The following MAGI2 variants were observed in gnomAD, a reference collection of about 807,000 sequenced individuals.
MAGI2 encodes membrane associated guanylate kinase, WW and PDZ domain containing 2.
In MAGI2, 35 loss-of-function variants were observed where a neutral mutation model predicts 133.3. The observed-to-expected ratio is 0.26, with a 90% CI of 0.20 to 0.35. The LOEUF is 0.35. MAGI2 is among the 10% of genes least tolerant of loss of function. The probability of loss-of-function intolerance (pLI) is 1.00; values close to 1 mark genes in which losing one functional copy is unlikely to be tolerated. For synonymous variants in MAGI2, 729 were observed against 710.6 expected (o/e 1.03, Z -0.41); for missense variants, 1,636 against 1,863.4 (o/e 0.88, Z 2.25).
intron 4 of MAGI2, among the ~76,000 whole-genome samples, chr7:78,515,959 T>A (rs1480018354): frequency 1.3e-5 from 2 of 152,068 alleles, no homozygotes; most frequent in Non-Finnish European, 2.9e-5. Flanking sequence ...ATGCCAGACA[T>A]GCACATTATG....
rs1450756649 is a variant in MAGI2 at position 78,330,596 on chromosome 7, C to T, written c.1408+13182G>A. Among the ~76,000 whole-genome samples the T allele has an allele frequency of 7.8e-5, 2 of 25,694 alleles. 1 individual carries two copies. Among genetic ancestry groups the T allele is most frequent in the Non-Finnish European group, 1.5e-4 (2 of 13,298 alleles). 16.9% of individuals were successfully genotyped at this position (25,694 alleles called of 152,430 possible). On this transcript the variant is annotated intron_variant, in intron 9 of 21. Transcript: ENST00000354212. Reference sequence around the variant, plus strand: ...TTGCGCCACTGCACTCCAGCCTGGGCGACAGCGAGACTCCGTCTCAAAAAA... The same window carrying T: ...TTGCGCCACTGCACTCCAGCCTGGGTGACAGCGAGACTCCGTCTCAAAAAA...
intron 15 of MAGI2, among the ~76,000 whole-genome samples, chr7:78,161,205 A>C (rs1824941824): frequency 6.6e-6 from 1 of 152,208 alleles, no homozygotes; most frequent in African/African-American, 2.4e-5. Flanking sequence ...AGAAAAAGCC[A>C]GCATATTTCC....
chr7:78,386,644 AAAGCCC>A, intron 6 of MAGI2, among the ~76,000 whole-genome samples: 1 of 152,334 alleles, frequency 6.6e-6, no homozygotes, highest in African/African-American at 2.4e-5. Flanking sequence ...GGAAATGTTA[AAAGCCC>A]AAGTGGAGCT....
chr7:79,359,369 C>T (rs866785304), intron 1 of MAGI2, among the ~76,000 whole-genome samples: 44 of 152,088 alleles, frequency 2.9e-4, no homozygotes, highest in African/African-American at 1.0e-3. Flanking sequence ...AATGATCCAA[C>T]TTTCATAACA....
chr7:79,268,041 T>C (rs976613508), intron 1 of MAGI2, among the ~76,000 whole-genome samples: 3 of 152,208 alleles, frequency 2.0e-5, no homozygotes, highest in Admixed American at 6.5e-5. Flanking sequence ...CAATGATATT[T>C]CAGGGAGGAG....
intron 9 of MAGI2, among the ~76,000 whole-genome samples, chr7:78,309,626 T>C (rs1798529419): frequency 6.6e-6 from 1 of 151,994 alleles, no homozygotes; most frequent in Non-Finnish European, 1.5e-5. Context: ...TGTCACACAA[T>C]ATACCAATGT....
At chr7:79,161,046 C>G (rs889061675) in intron 1 of MAGI2, among the ~76,000 whole-genome samples, 1 of 151,688 alleles carries the variant, frequency 6.6e-6, no homozygotes, top group Non-Finnish European at 1.5e-5. Context: ...TTCCTGGGAT[C>G]AGAACATAAA....
At chr7:78,490,232 C>A (rs993756799) in intron 5 of MAGI2, among the ~76,000 whole-genome samples, 1 of 152,072 alleles carries the variant, frequency 6.6e-6, no homozygotes, top group African/African-American at 2.4e-5. Context: ...TAAACCTACC[C>A]TTTTCATAAA....
chr7:78,590,017 G>C (rs1803831836), intron 3 of MAGI2, among the ~76,000 whole-genome samples: 1 of 152,156 alleles, frequency 6.6e-6, no homozygotes, highest in Non-Finnish European at 1.5e-5. Flanking sequence ...ATTGAGATCA[G>C]GAATAAAACA....
intron 1 of MAGI2, among the ~76,000 whole-genome samples, chr7:79,210,105 C>CA (rs1829381698): frequency 6.6e-6 from 1 of 151,970 alleles, no homozygotes; most frequent in South Asian, 2.1e-4. Flanking sequence ...CTTTTGATTT[C>CA]ATGCTTTGTT....
intron 9 of MAGI2, among the ~76,000 whole-genome samples, chr7:78,338,111 T>A (rs530423359): frequency 1.8e-4 from 28 of 152,372 alleles, no homozygotes; most frequent in African/African-American, 6.5e-4. Context: ...TTGGTTTTTT[T>A]ATTTGAGGAT....
At chr7:78,523,882 A>AG (rs1260722457) in intron 3 of MAGI2, among the ~76,000 whole-genome samples, 2 of 152,112 alleles carry the variant, frequency 1.3e-5, no homozygotes, top group African/African-American at 2.4e-5. Flanking sequence ...AAAAACCATG[A>AG]GAAAAAATGG....
At chr7:79,010,085 AT>A (rs1807894129) in intron 1 of MAGI2, among the ~76,000 whole-genome samples, 2 of 152,030 alleles carry the variant, frequency 1.3e-5, no homozygotes, top group Non-Finnish European at 2.9e-5. Flanking sequence ...ATACACATAT[AT>A]TTTTGTGTAT....
intron 1 of MAGI2, among the ~76,000 whole-genome samples, chr7:79,135,731 G>A (rs78158711): frequency 4.0e-5 from 6 of 151,690 alleles, no homozygotes; most frequent in East Asian, 4.0e-4. Context: ...GCTTGAGGTC[G>A]GGAGTCCGAG....
chr7:78,902,323 T>C (rs1797671336), intron 2 of MAGI2, among the ~76,000 whole-genome samples: 1 of 152,186 alleles, frequency 6.6e-6, no homozygotes, highest in African/African-American at 2.4e-5. Context: ...CTAACTTTTT[T>C]CCAATGCACT....
chr7:78,826,776 A>G (rs1344534951), intron 2 of MAGI2, among the ~76,000 whole-genome samples: 1 of 152,176 alleles, frequency 6.6e-6, no homozygotes, highest in Non-Finnish European at 1.5e-5. Context: ...GGAAAAGGTG[A>G]TGACCTAAGT....
Position 78,127,423 on chromosome 7 carries a change from C to A in MAGI2, c.3204-7G>T. 2 of 1,593,048 alleles carry A rather than the reference C, an allele frequency of 1.3e-6. No homozygotes were observed. Among genetic ancestry groups the A allele is most frequent in the East Asian group, 4.5e-5 (2 of 44,848 alleles). On this transcript the variant is annotated splice_region_variant and splice_polypyrimidine_tract_variant and intron_variant, in intron 18 of 21. Coordinates refer to ENST00000354212, the MANE Select transcript of MAGI2 (RefSeq NM_012301.4). The stretch of plus-strand genomic sequence containing the variant: ...TTTCACTTCCGACCTGTAACTAAAT[C>A]AATGGAAATGGGATTTGCTTTTGTA...
intron 12 of MAGI2, among the ~76,000 whole-genome samples, chr7:78,192,606 G>A (rs1368866327): frequency 6.6e-5 from 10 of 151,264 alleles, no homozygotes; most frequent in Admixed American, 2.0e-4. Flanking sequence ...AGAAAGTGGC[G>A]CCATGCTCTC....
At chr7:78,417,877 G>A (rs1247681463) in intron 6 of MAGI2, among the ~76,000 whole-genome samples, 1 of 152,146 alleles carries the variant, frequency 6.6e-6, no homozygotes, top group East Asian at 1.9e-4. Context: ...AAATTAGGAT[G>A]TGTCCCCATT....
Sources: allele counts gnomAD v4.1 joint callset (sites outside exome capture counted in the v4.1 genomes callset), GRCh38; gene constraint gnomAD v4.1.1; transcripts MANE v1.5; gene names NCBI Gene and HGNC (gene_info 2026-07-23, HGNC 2026-07-21).